TRHDE: variants seen among roughly 807,000 people sequenced by gnomAD.
TRHDE encodes the protein thyrotropin-releasing hormone-degrading ectoenzyme.
In TRHDE, 72 loss-of-function variants were observed where a neutral mutation model predicts 125.7. The ratio of observed to expected loss-of-function variants is 0.57; its 90% CI spans 0.47 to 0.70. The LOEUF is 0.70. Ranked by LOEUF, TRHDE falls within the 30% of genes least tolerant of loss-of-function variation. TRHDE has a pLI of 0.00. For synonymous variants in TRHDE, 509 were observed against 509.1 expected, an observed-to-expected ratio of 1.00 and a Z score of 0.00; for missense variants, 1,110 against 1,327.1, an observed-to-expected ratio of 0.84 and a Z score of 2.54.
intron 12 of TRHDE, among the ~76,000 whole-genome samples, chr12:72,575,922 GT>G (rs1378616925): frequency 6.6e-6 from 1 of 152,032 alleles, no homozygotes; most frequent in East Asian, 1.9e-4. Context: ...TTTTAAAAAT[GT>G]TTTTGAATGT....
chr12:72,138,957 A>G (rs1290294825), intron 2 of TRHDE, among the ~76,000 whole-genome samples: 1 of 152,208 alleles, frequency 6.6e-6, no homozygotes, highest in Non-Finnish European at 1.5e-5. Flanking sequence ...GTTGAAACTC[A>G]TTTCTGCTCT....
chr12:72,426,013 T>C (rs1324905311), intron 3 of TRHDE, among the ~76,000 whole-genome samples: 1 of 152,038 alleles, frequency 6.6e-6, no homozygotes, highest in Non-Finnish European at 1.5e-5. Context: ...AATCAAACAA[T>C]TGAAATGGTG....
Position 72,663,385 on chromosome 12 carries a change from C to A in TRHDE, c.*190C>A. The A allele has an allele frequency of 2.2e-6, 1 of 446,452 alleles. No homozygotes were observed. The highest frequency in any genetic ancestry group is 4.2e-5 in the Admixed American group (1 of 23,892). The allele number at this position is 446,452 out of a possible 1,614,324, so 27.7% of individuals were successfully genotyped here. On this transcript the variant is annotated 3_prime_UTR_variant, in exon 19 of 19. Transcript: ENST00000261180. ...TTTTATTTGTTTCATTCATTCTGTT[C>A]TGTTTCTCTACTGGGTGTTCCTCTC...
At chr12:72,274,804 A>C (rs956874884) in intron 1 of TRHDE, 1 of 152,174 alleles carries the variant, frequency 6.6e-6, no homozygotes, top group Admixed American at 6.5e-5. Context: ...GAGTGAATGC[A>C]TTACAAAGTA....
At chr12:72,441,315 TTTG>T (rs1438312084) in intron 3 of TRHDE, among the ~76,000 whole-genome samples, 90 of 152,028 alleles carry the variant, frequency 5.9e-4, no homozygotes, top group African/African-American at 2.1e-3. Flanking sequence ...GAAAAAATAG[TTTG>T]TTATTTGGGT....
chr12:72,550,098 TG>T, intron 7 of TRHDE, among the ~76,000 whole-genome samples: 1 of 152,056 alleles, frequency 6.6e-6, no homozygotes, highest in East Asian at 1.9e-4. Context: ...CTAATCGGGT[TG>T]ATATTATAAA....
intron 6 of TRHDE, among the ~76,000 whole-genome samples, chr12:72,526,387 T>C (rs1451069994): frequency 1.3e-5 from 2 of 152,140 alleles, no homozygotes; most frequent in Admixed American, 6.6e-5. Flanking sequence ...TGTCAGCTTT[T>C]GGTAGAAGAT....
intron 1 of TRHDE, among the ~76,000 whole-genome samples, chr12:72,283,277 A>G (rs1402177761): frequency 2.0e-5 from 3 of 152,206 alleles, no homozygotes; most frequent in South Asian, 2.1e-4. Flanking sequence ...TAAAAAACCA[A>G]TCACACTTGG....
intron 3 of TRHDE, among the ~76,000 whole-genome samples, chr12:72,442,548 TC>T: frequency 6.6e-6 from 1 of 151,894 alleles, no homozygotes; most frequent in Non-Finnish European, 1.5e-5. Context: ...CTTCTTTCAT[TC>T]TTGGAACTTT....
At chr12:72,306,433 A>T (rs1868342308) in intron 2 of TRHDE, among the ~76,000 whole-genome samples, 1 of 152,204 alleles carries the variant, frequency 6.6e-6, no homozygotes, top group Non-Finnish European at 1.5e-5. Context: ...GATACATAAA[A>T]TTCTAGTACT....
rs1427856574 is a variant in TRHDE, at chr12:72,469,931, G to T, written c.1470+19G>T. The T allele has an allele frequency of 1.9e-6, 3 of 1,609,980 alleles. No homozygotes were observed. In the African/African-American group the frequency reaches 4.0e-5, roughly 22 times the overall value. Reference sequence around the variant, plus strand: ...TCACCAGGTATGAGAAAAAGAATCAGGTGTAAGTATAATGTGAAAGCTATT... The same window carrying T: ...TCACCAGGTATGAGAAAAAGAATCATGTGTAAGTATAATGTGAAAGCTATT... On this transcript the variant is annotated intron_variant, in intron 4 of 18. Transcript: ENST00000261180.
chr12:72,301,156 A>G (rs1366731643), intron 2 of TRHDE, among the ~76,000 whole-genome samples: 1 of 152,138 alleles, frequency 6.6e-6, no homozygotes, highest in Non-Finnish European at 1.5e-5. Flanking sequence ...CTCTCTGATG[A>G]AATGTAAATC....
chr12:72,297,664 T>A (rs1340641643), intron 2 of TRHDE, among the ~76,000 whole-genome samples: 1 of 152,156 alleles, frequency 6.6e-6, no homozygotes, highest in Non-Finnish European at 1.5e-5. Flanking sequence ...AGAGTTGTTT[T>A]CATGGAAGTG....
intron 2 of TRHDE, among the ~76,000 whole-genome samples, chr12:72,156,417 G>A (rs916767110): frequency 1.3e-5 from 2 of 152,126 alleles, no homozygotes; most frequent in Non-Finnish European, 2.9e-5. Flanking sequence ...CCCACTGTCC[G>A]ACATTCCCCA....
chr12:72,293,723 T>C (rs1880177641), intron 2 of TRHDE, among the ~76,000 whole-genome samples: 1 of 152,108 alleles, frequency 6.6e-6, no homozygotes, highest in Admixed American at 6.5e-5. Context: ...TGTTATGGGA[T>C]GTTTGGGGTG....
intron 2 of TRHDE, among the ~76,000 whole-genome samples, chr12:72,127,314 G>A (rs1296001042): frequency 6.6e-6 from 1 of 152,050 alleles, no homozygotes; most frequent in Non-Finnish European, 1.5e-5. Flanking sequence ...ACAACCATTT[G>A]GCTCAGCAAT....
intron 2 of TRHDE, chr12:72,254,652 A>C (rs899171872): frequency 6.6e-6 from 1 of 152,202 alleles, no homozygotes; most frequent in African/African-American, 2.4e-5. Context: ...AAAGAAAAGA[A>C]TGTTCACAAA....
chr12:72,576,997 G>T (rs1042565786), intron 12 of TRHDE, among the ~76,000 whole-genome samples: 1 of 151,708 alleles, frequency 6.6e-6, no homozygotes, highest in South Asian at 2.1e-4. Context: ...AAGGCCTGCT[G>T]AATCATGTGT....
chr12:72,214,527 A>G (rs1013529392), intron 2 of TRHDE, among the ~76,000 whole-genome samples: 5 of 152,198 alleles, frequency 3.3e-5, no homozygotes, highest in African/African-American at 1.2e-4. Context: ...GGCTCACTCA[A>G]TTGCTGAGTA....
Sources: allele counts gnomAD v4.1 joint callset (sites outside exome capture counted in the v4.1 genomes callset), GRCh38; gene constraint gnomAD v4.1.1; transcripts MANE v1.5; gene names NCBI Gene and HGNC (gene_info 2026-07-23, HGNC 2026-07-21).